The following DACT3 variants were observed in gnomAD, a reference collection of about 807,000 sequenced individuals.
DACT3 encodes dapper homolog 3.
Under a neutral mutation model 19.6 loss-of-function variants are expected in DACT3, and 5 were observed. That is an observed-to-expected ratio of 0.26 (90% CI 0.13 to 0.54). The LOEUF (loss-of-function observed/expected upper bound fraction) is 0.54, where lower values mean the gene tolerates loss of function less well. DACT3 is among the 20% of genes least tolerant of loss of function. The probability of loss-of-function intolerance (pLI) is 0.95; values close to 1 mark genes in which losing one functional copy is unlikely to be tolerated. For synonymous variants in DACT3, 454 were observed against 428.1 expected (o/e 1.06, Z -0.75); for missense variants, 908 against 927.4 (o/e 0.98, Z 0.27).
At chr19:46,654,870 C>T (rs2053021443) in intron 1 of DACT3, 2 of 985,170 alleles carry the variant, frequency 2.0e-6, no homozygotes, top group Non-Finnish European at 1.2e-6. Context: ...CTCCCATCCC[C>T]CTAGAACAGA....
intron 1 of DACT3, chr19:46,659,674 G>A (rs1442381487): frequency 1.3e-5 from 2 of 152,930 alleles, no homozygotes; most frequent in African/African-American, 4.8e-5. Context: ...TCTGGGGAGG[G>A]GGCGGTCGAG....
At chr19:46,652,338 TG>T (rs2052993637) in intron 3 of DACT3, 1 of 387,394 alleles carries the variant, frequency 2.6e-6, no homozygotes. Flanking sequence ...GAATTACAGG[TG>T]TTCGCTACCA....
chr19:46,654,502 AAAG>A, intron 1 of DACT3: 1 of 977,646 alleles, frequency 1.0e-6, no homozygotes, highest in Non-Finnish European at 1.2e-6. Flanking sequence ...AAAAAGGAAA[AAAG>A]AAAAAGAAAT....
intron 3 of DACT3, 200 bp from the exon 4 acceptor site, chr19:46,650,072 T>C: frequency 2.4e-6 from 1 of 413,832 alleles, no homozygotes; most frequent in South Asian, 1.1e-4. Flanking sequence ...AGACCCTGCG[T>C]GACTTGTCCT....
At chr19:46,651,268 A>ATTTT (rs2052981781) in intron 3 of DACT3, 1 of 151,958 alleles carries the variant, frequency 6.6e-6, no homozygotes, top group Admixed American at 6.6e-5. Context: ...TTTTTTGTAG[A>ATTTT]GACGGGGTTT....
At chr19:46,659,634 C>T (rs2053059579) in intron 1 of DACT3, 1 of 168,302 alleles carries the variant, frequency 5.9e-6, no homozygotes, top group Non-Finnish European at 1.2e-5. Context: ...GCCCCGGGAG[C>T]CTGGCTTCAG....
At chr19:46,650,175 A>G (rs975841393) in intron 3 of DACT3, 2 of 124,604 alleles carry the variant, frequency 1.6e-5, no homozygotes, top group Non-Finnish European at 2.9e-5. Flanking sequence ...TCTGTCGCCC[A>G]GGCTGGAGTG....
chr19:46,649,407 C>T lies in DACT3; in HGVS notation c.965G>A (p.Arg322His). 1 of 1,281,972 alleles carries T rather than the reference C, an allele frequency of 7.8e-7. No individual in the cohort carries two copies. Among genetic ancestry groups the T allele is most frequent in the Non-Finnish European group, 1.0e-6 (1 of 1,004,586 alleles). The allele number at this position is 1,281,972 out of a possible 1,614,324, so 79.4% of individuals were successfully genotyped here. Residue 322 changes from arginine (R) to histidine (H), a missense_variant, in exon 4 of 4, where the codon CGC (arginine) becomes CAC (histidine). By Grantham distance (29) the Arg-to-His change is conservative. Transcript: ENST00000391916. ...CGACTCCCACGACGACGCCCAGGCGCGGCTCAAGGCGGCAGGGCTGGTGGG... is the reference window on the plus strand; with the variant it reads ...CGACTCCCACGACGACGCCCAGGCGTGGCTCAAGGCGGCAGGGCTGGTGGG... ...GHPTSPAALS[R>H]AWASSWESEA... is the part of the protein sequence containing the mutation.
In DACT3 at chr19:46,660,996, G is replaced by A. The variant is rs1203239482; in HGVS notation, c.69C>T (p.Ser23=). The change falls in exon 1 of 4, where the codon AGC becomes AGT. Residue 23 remains serine (S), a synonymous_variant. Coordinates refer to ENST00000391916, the MANE Select transcript of DACT3 (RefSeq NM_145056.3). This position sits in a 1 kb window ranked among gnomAD's most constrained non-coding sequence, Gnocchi z 4.9. ...AATGTAACTCGCAGAGCCCGGCCAG[G>A]CTACCCTCCAGCCAGCCCCGCAGCC... is the stretch of plus-strand genomic sequence containing the variant. ...RGRLRGWLEG[S]LAGLCELHWL... 1.3e-6 allele frequency: 2 copies of A among 1,537,578 alleles called. No individual in the cohort carries two copies. The highest frequency in any genetic ancestry group is 1.7e-6 in the Non-Finnish European group (2 of 1,145,376).
chr19:46,652,595 G>T lies in DACT3; in HGVS notation c.499+65C>A, dbSNP rs560457233. ...GAATCCAGGCCCGATTCGGAAGTCT[G>T]TGCCCACAACCATCCTCCTACTGTC... On this transcript the variant is annotated intron_variant, in intron 3 of 3. Coordinates refer to ENST00000391916, the MANE Select transcript of DACT3 (RefSeq NM_145056.3). 177 of 1,494,950 alleles carry T rather than the reference G, an allele frequency of 1.2e-4. No individual in the cohort carries two copies. In the East Asian group the frequency reaches 4.1e-3, roughly 35 times the overall value. The allele number at this position is 1,494,950 out of a possible 1,614,324, so 92.6% of individuals were successfully genotyped here.
At position 46,648,807 on chromosome 19, in the gene DACT3, G is replaced by A; in HGVS notation, c.1565C>T (p.Ser522Phe). The A allele has an allele frequency of 6.5e-7, 1 of 1,531,166 alleles. No individual in the cohort carries two copies. The highest frequency in any genetic ancestry group is 8.7e-7 in the Non-Finnish European group (1 of 1,146,230). The allele number at this position is 1,531,166 out of a possible 1,614,324, so 94.8% of individuals were successfully genotyped here. A position where few individuals can be genotyped will look rare whatever the true frequency, so the allele number is the denominator to read the frequency against. ...RLLYGCAGSD[S>F]ECSAGRLGPL... ...CCCCAGGCGCCCAGCCGAGCACTCGGAGTCGCTGCCCGCGCAGCCGTAAAG... is the reference window on the plus strand; with the variant it reads ...CCCCAGGCGCCCAGCCGAGCACTCGAAGTCGCTGCCCGCGCAGCCGTAAAG... The change falls in exon 4 of 4, where the codon TCC becomes TTC. Residue 522 changes from serine to phenylalanine, a missense_variant. Physicochemically the swap from Ser to Phe is radical, Grantham distance 155 (BLOSUM62 -2). Transcript: ENST00000391916. This position sits in a 1 kb window ranked among gnomAD's most constrained non-coding sequence, Gnocchi z 5.1.
At chr19:46,655,484 G>A (rs1187799409) in intron 1 of DACT3, among the ~76,000 whole-genome samples, 1 of 152,018 alleles carries the variant, frequency 6.6e-6, no homozygotes, top group African/African-American at 2.4e-5. Flanking sequence ...GTGGTGGTGT[G>A]TGCCTGTAAT....
In DACT3 at chr19:46,649,888, CAA is replaced by C. The variant is rs375074031; in HGVS notation, c.500-18_500-17del. The C allele has an allele frequency of 0.14, 153,188 of 1,109,830 alleles. 83 individuals carry two copies. Among genetic ancestry groups the C allele is most frequent in the South Asian group, 0.2 (9,122 of 45,794 alleles). 68.7% of individuals were successfully genotyped at this position (1,109,830 alleles called of 1,614,324 possible). On this transcript the variant is annotated splice_polypyrimidine_tract_variant and intron_variant, in intron 3 of 3. Transcript: ENST00000391916. The stretch of plus-strand genomic sequence containing the variant: ...CTGGCGTCTCCTAGGGAAGGAAGGC[CAA>C]AAAAAAAAAAAAAAGAGAGAGTGGA...
chr19:46,651,077 T>TTATG (rs1297609043), intron 3 of DACT3: 1 of 150,786 alleles, frequency 6.6e-6, no homozygotes, highest in Admixed American at 6.6e-5. Flanking sequence ...ATTTATTTAT[T>TTATG]TATTTATTTA....
intron 1 of DACT3, chr19:46,659,548 C>T (rs1286575886): frequency 5.5e-5 from 33 of 599,004 alleles, no homozygotes; most frequent in Non-Finnish European, 6.7e-5. Context: ...GTGGGGCCTC[C>T]CACAGCTGTT....
chr19:46,660,780 G>C lies in DACT3; in HGVS notation c.249+36C>G. 6.9e-7 allele frequency: 1 copy of C among 1,449,176 alleles called. No homozygotes were observed. The highest frequency in any genetic ancestry group is 9.0e-7 in the Non-Finnish European group (1 of 1,105,736). The allele number at this position is 1,449,176 out of a possible 1,614,324, so 89.8% of individuals were successfully genotyped here. On this transcript the variant is annotated intron_variant, in intron 1 of 3. Coordinates refer to ENST00000391916, the MANE Select transcript of DACT3 (RefSeq NM_145056.3). This position sits in a 1 kb window ranked among gnomAD's most constrained non-coding sequence, Gnocchi z 4.9. ...CCAACCGAGACAGACAGACACAGAC[G>C]GGGGTGGAGGGACGGACGGACAGGC...
At chr19:46,654,315 G>A (rs746593783) in intron 1 of DACT3, 1 of 660,316 alleles carries the variant, frequency 1.5e-6, no homozygotes, top group African/African-American at 2.0e-5. Flanking sequence ...GTGAAACCTT[G>A]TCTCCCTTAA....
Position 46,649,222 on chromosome 19 carries a change from G to C in DACT3, c.1150C>G (p.Arg384Gly). 1.7e-6 allele frequency: 2 copies of C among 1,198,872 alleles called. No homozygotes were observed. The highest frequency in any genetic ancestry group is 2.1e-6 in the Non-Finnish European group (2 of 969,106). 74.3% of individuals were successfully genotyped at this position (1,198,872 alleles called of 1,614,324 possible). The change falls in exon 4 of 4, where the codon CGC (arginine) becomes GGC (glycine). Residue 384 changes from arginine (R) to glycine (G), a missense_variant. By Grantham distance (125) the Arg-to-Gly change is moderately radical. This residue lies in a region of DACT3 where 656 missense variants were observed against 601.8 expected (regional missense o/e 1.09). Transcript: ENST00000391916. ...AARRKPPPLT[R>G]GRSVEQSPPR... The stretch of plus-strand genomic sequence containing the variant: ...GGTGACTGCTCCACGCTGCGGCCGC[G>C]GGTCAGTGGCGGCGGTTTGCGGCGG...
intron 3 of DACT3, 138 bp downstream of exon 3, chr19:46,652,522 G>A (rs969581740): frequency 1.0e-6 from 1 of 954,550 alleles, no homozygotes; most frequent in East Asian, 2.7e-5. Context: ...CCAGAAATAA[G>A]AGACCTGCTC....
Sources: allele counts gnomAD v4.1 joint callset (sites outside exome capture counted in the v4.1 genomes callset), GRCh38; gene constraint gnomAD v4.1.1; regional missense constraint gnomAD v4.1.1; non-coding constraint Gnocchi (gnomAD v3.1); transcripts MANE v1.5; gene names NCBI Gene and HGNC (gene_info 2026-07-23, HGNC 2026-07-21).